MTM1: variants seen among roughly 807,000 people sequenced by gnomAD.
MTM1 encodes the protein myotubularin 1.
Under a neutral mutation model 52.1 loss-of-function variants are expected in MTM1, and 9 were observed. The observed-to-expected ratio is 0.17, with a 90% confidence interval of 0.10 to 0.30. The LOEUF (loss-of-function observed/expected upper bound fraction) is 0.30, where lower values mean the gene tolerates loss of function less well. Ranked by LOEUF, MTM1 falls within the 10% of genes least tolerant of loss-of-function variation. The pLI, the probability that MTM1 is intolerant of heterozygous loss-of-function variation, is 1.00. For synonymous variants in MTM1, 136 were observed against 163.8 expected (o/e 0.83, Z 1.29); for missense variants, 277 against 470.7 (o/e 0.59, Z 3.81).
intron 11 of MTM1, 96 bp from the exon 12 acceptor site, chrX:150,659,568 G>A (rs938554847): frequency 1.5e-6 from 1 of 675,967 alleles, no homozygotes; most frequent in Non-Finnish European, 2.4e-6. Flanking sequence ...CATTTAGAAG[G>A]CACATTGCTG....
intron 6 of MTM1, among the ~76,000 whole-genome samples, chrX:150,625,732 G>A (rs184405748): frequency 2.6e-4 from 29 of 112,363 alleles, no homozygotes; most frequent in Non-Finnish European, 4.1e-4. Context: ...AAGCTCTTTC[G>A]CATCAAAATA....
chrX:150,665,996 G>A (rs187364426), intron 14 of MTM1, among the ~76,000 whole-genome samples: 3 of 112,295 alleles, frequency 2.7e-5, no homozygotes, highest in Admixed American at 1.9e-4. Flanking sequence ...ACTGAAGGAT[G>A]AGATTCAGGA....
At chrX:150,592,846 CT>C (rs1184716210) in intron 2 of MTM1, among the ~76,000 whole-genome samples, 169 bp downstream of exon 2, 195 of 99,450 alleles carry the variant, frequency 2.0e-3, no homozygotes, top group Middle Eastern at 5.1e-3. Flanking sequence ...TCTAGAAAAG[CT>C]TTTTTTTTTT....
intron 1 of MTM1, among the ~76,000 whole-genome samples, chrX:150,575,624 A>G (rs138472946): frequency 1.8e-5 from 2 of 111,766 alleles, no homozygotes; most frequent in African/African-American, 6.5e-5. Context: ...TTGCAAAACT[A>G]CAAATTCCTG....
At chrX:150,586,950 G>A (rs868993584) in intron 1 of MTM1, among the ~76,000 whole-genome samples, 2 of 108,423 alleles carry the variant, frequency 1.8e-5, no homozygotes, top group African/African-American at 6.7e-5. Flanking sequence ...TCTCTGGTAG[G>A]AGGAAGGGAA....
chrX:150,585,741 T>A (rs1046166923), intron 1 of MTM1, among the ~76,000 whole-genome samples: 12 of 112,388 alleles, frequency 1.1e-4, no homozygotes, highest in African/African-American at 3.6e-4. Flanking sequence ...AGTTTAATGA[T>A]CTGTTTAAAT....
At chrX:150,639,496 A>G (rs2039812869) in intron 7 of MTM1, among the ~76,000 whole-genome samples, 1 of 112,433 alleles carries the variant, frequency 8.9e-6, no homozygotes, top group South Asian at 3.6e-4. Flanking sequence ...GTCTTTTTCA[A>G]GGAAGCTTTG....
chrX:150,649,129 A>T (rs1479902426), intron 9 of MTM1, among the ~76,000 whole-genome samples: 1 of 112,182 alleles, frequency 8.9e-6, no homozygotes, highest in Non-Finnish European at 1.9e-5. Context: ...ATAGTATGAG[A>T]CCTAGGTAAT....
intron 9 of MTM1, among the ~76,000 whole-genome samples, chrX:150,648,444 G>A (rs1254431129): frequency 1.8e-5 from 2 of 112,469 alleles, no homozygotes; most frequent in Non-Finnish European, 3.8e-5. Context: ...TGTAGCTATG[G>A]CACATTTGTC....
intron 4 of MTM1, among the ~76,000 whole-genome samples, chrX:150,602,859 C>A (rs2039089034): frequency 8.9e-6 from 1 of 111,887 alleles, no homozygotes; most frequent in Non-Finnish European, 1.9e-5. Flanking sequence ...ATTCACTGAG[C>A]ACCATGGTGA....
chrX:150,670,989 A>C (rs146736826), intron 14 of MTM1, among the ~76,000 whole-genome samples: 2,836 of 111,870 alleles, frequency 0.025, 90 homozygotes, highest in African/African-American at 0.086. Context: ...ACTTTGATAA[A>C]ACACAAAGTA....
chrX:150,572,552 A>G (rs1257890652), intron 1 of MTM1, among the ~76,000 whole-genome samples: 1 of 112,179 alleles, frequency 8.9e-6, no homozygotes, highest in Non-Finnish European at 1.9e-5. Context: ...TGTTTTATGT[A>G]TTCCTAAAAT....
intron 6 of MTM1, among the ~76,000 whole-genome samples, chrX:150,625,821 G>C (rs1378030954): frequency 8.9e-6 from 1 of 112,707 alleles, no homozygotes; most frequent in African/African-American, 3.2e-5. Context: ...GGAGATATTT[G>C]ACCTTCTTAT....
intron 1 of MTM1, among the ~76,000 whole-genome samples, chrX:150,584,896 G>T (rs1458672904): frequency 1.8e-5 from 2 of 111,392 alleles, no homozygotes; most frequent in African/African-American, 6.5e-5. Context: ...AGTATTTGAA[G>T]TATTTTTCTA....
intron 1 of MTM1, among the ~76,000 whole-genome samples, chrX:150,570,939 T>A (rs2148393843): frequency 8.9e-6 from 1 of 112,415 alleles, no homozygotes; most frequent in African/African-American, 3.2e-5. Context: ...CAAAGCAAAA[T>A]TTTAAACTTT....
chrX:150,625,579 G>A (rs1166546065), intron 6 of MTM1, among the ~76,000 whole-genome samples: 1 of 112,076 alleles, frequency 8.9e-6, no homozygotes, highest in African/African-American at 3.2e-5. Context: ...GCAGTGATAT[G>A]TATGAAAAGA....
rs183089188 is a variant in MTM1 at position 150,670,058 on chromosome X, C to G, written c.1645-1370C>G. ...CTTAAGCTTTCTAGAAAGTGCTTGCCCCTGATCCCTTCAAAACATTAACTT... is the reference window on the plus strand; with the variant it reads ...CTTAAGCTTTCTAGAAAGTGCTTGCGCCTGATCCCTTCAAAACATTAACTT... On this transcript the variant is annotated intron_variant, in intron 14 of 14. Transcript: ENST00000370396. 6.1e-3 allele frequency among the ~76,000 whole-genome samples: 679 copies of G among 111,696 alleles called. 4 individuals are homozygous for G. The highest frequency in any genetic ancestry group is 0.014 in the Middle Eastern group (3 of 217).
At chrX:150,616,118 A>G (rs1303353390) in intron 5 of MTM1, among the ~76,000 whole-genome samples, 5 of 111,724 alleles carry the variant, frequency 4.5e-5, no homozygotes, top group African/African-American at 1.3e-4. Context: ...ACTTGTACTT[A>G]AATATCAATC....
intron 4 of MTM1, among the ~76,000 whole-genome samples, chrX:150,608,771 C>T (rs1203962750): frequency 9.0e-6 from 1 of 110,596 alleles, no homozygotes; most frequent in Non-Finnish European, 1.9e-5. Flanking sequence ...AATTTTGTCT[C>T]CTTTGACCAA....
Sources: allele counts gnomAD v4.1 joint callset (sites outside exome capture counted in the v4.1 genomes callset), GRCh38; gene constraint gnomAD v4.1.1; transcripts MANE v1.5; gene names NCBI Gene and HGNC (gene_info 2026-07-23, HGNC 2026-07-21).